MCF2L2: variants seen among roughly 807,000 people sequenced by gnomAD.
The protein encoded by MCF2L2 is MCF.2 cell line derived transforming sequence-like 2.
In MCF2L2, 102 loss-of-function variants were observed where a neutral mutation model predicts 150.2. That is an observed-to-expected ratio of 0.68 (90% CI 0.58 to 0.80). The LOEUF (loss-of-function observed/expected upper bound fraction) is 0.80. Among genes scored for constraint, MCF2L2 ranks in the 30% least tolerant of loss-of-function variants. The pLI is 0.00. For missense variants in MCF2L2, 1,256 were observed against 1,372.8 expected, an observed-to-expected ratio of 0.91 and a Z score of 1.34; for synonymous variants, 465 against 491.3, an observed-to-expected ratio of 0.95 and a Z score of 0.71.
chr3:183,241,806 C>T (rs140459202), intron 15 of MCF2L2, among the ~76,000 whole-genome samples: 2,512 of 152,198 alleles, frequency 0.017, 67 homozygotes, highest in African/African-American at 0.055. Context: ...TTGGAGGGCT[C>T]AGAAGACAGG....
intron 27 of MCF2L2, among the ~76,000 whole-genome samples, chr3:183,186,329 C>T (rs116076629): frequency 6.6e-6 from 1 of 152,146 alleles, no homozygotes; most frequent in Non-Finnish European, 1.5e-5. Context: ...TCATGGCTTA[C>T]GGCAGCCTCA....
chr3:183,179,362 G>C lies in MCF2L2; in HGVS notation c.*18C>G. On this transcript the variant is annotated 3_prime_UTR_variant, in exon 30 of 30. Transcript: ENST00000328913. This position sits in a 1 kb window ranked among gnomAD's most constrained non-coding sequence, Gnocchi z 4.2. ...GCGGGCGCTCTGGAGCCGAGGAGCGGGGGCGTCCGCAGGGAGGTCAGCTCT... is the reference window on the plus strand; with the variant it reads ...GCGGGCGCTCTGGAGCCGAGGAGCGCGGGCGTCCGCAGGGAGGTCAGCTCT... The C allele has an allele frequency of 1.4e-6, 2 of 1,434,124 alleles. No homozygotes were observed. Among genetic ancestry groups the C allele is most frequent in the Non-Finnish European group, 1.8e-6 (2 of 1,095,234 alleles). 88.8% of individuals were successfully genotyped at this position (1,434,124 alleles called of 1,614,324 possible).
At chr3:183,198,433 G>A (rs1722146770) in intron 25 of MCF2L2, among the ~76,000 whole-genome samples, 1 of 151,620 alleles carries the variant, frequency 6.6e-6, no homozygotes, top group Non-Finnish European at 1.5e-5. Context: ...GGTGGGTGAG[G>A]GAGGGGCAGG....
chr3:183,261,442 G>A lies in MCF2L2; in HGVS notation c.1862+15430C>T, dbSNP rs917317278. ...GGACAGGAACTAAAAACTCTCCCAC[G>A]TGGGACTTTATTAAGTAATAAAAGT... On this transcript the variant is annotated intron_variant, in intron 15 of 29. Coordinates refer to ENST00000328913, the MANE Select transcript of MCF2L2 (RefSeq NM_015078.4). 3.9e-5 allele frequency among the ~76,000 whole-genome samples: 6 copies of A among 152,212 alleles called. No homozygotes were observed. The South Asian group carries it at 6.2e-4, about 16-fold the overall frequency.
rs534958474 is a variant in MCF2L2 at position 183,268,147 on chromosome 3, T to G, written c.1862+8725A>C. 7.9e-5 allele frequency among the ~76,000 whole-genome samples: 12 copies of G among 152,370 alleles called. No homozygotes were observed. The South Asian group carries it at 2.5e-3, about 32-fold the overall frequency. On this transcript the variant is annotated intron_variant, in intron 15 of 29. Transcript: ENST00000328913. ...GAAGGTAGCCAGGCCACAGGACTGC[T>G]GGTGTAAAGACCAGGGCATATGAAA...
chr3:183,311,601 T>C lies in MCF2L2; in HGVS notation c.878+47A>G, dbSNP rs370498670. The C allele has an allele frequency of 1.9e-6, 3 of 1,607,868 alleles. No homozygotes were observed. In the African/African-American group the frequency reaches 4.0e-5, roughly 22 times the overall value. ...TCTTGGTTGCTCCAGAACATCTAGG[T>C]CTACATATTCTCTCCTGAAAAGGCT... On this transcript the variant is annotated intron_variant, in intron 8 of 29. Coordinates refer to ENST00000328913, the MANE Select transcript of MCF2L2 (RefSeq NM_015078.4).
intron 1 of MCF2L2, among the ~76,000 whole-genome samples, chr3:183,399,691 A>G (rs868427060): frequency 2.0e-4 from 30 of 152,358 alleles, no homozygotes; most frequent in Middle Eastern, 3.4e-3. Flanking sequence ...ATTTTTCTTC[A>G]GGAATATGAA....
intron 5 of MCF2L2, among the ~76,000 whole-genome samples, chr3:183,332,650 A>G (rs1259260753): frequency 6.6e-6 from 1 of 152,204 alleles, no homozygotes. Flanking sequence ...TTGAGTGGCA[A>G]GAAGAATTGA....
intron 11 of MCF2L2, chr3:183,299,619 A>G (rs1728734285): frequency 5.6e-6 from 1 of 177,046 alleles, no homozygotes; most frequent in Non-Finnish European, 1.2e-5. Context: ...AGCTTCTCCA[A>G]AAAGAGTCAA....
intron 15 of MCF2L2, among the ~76,000 whole-genome samples, chr3:183,240,197 A>G (rs185492430): frequency 6.6e-6 from 1 of 152,138 alleles, no homozygotes; most frequent in African/African-American, 2.4e-5. Flanking sequence ...TTTCTCTTCC[A>G]CCAGTCTATT....
chr3:183,321,687 A>C (rs1560020765), intron 6 of MCF2L2, among the ~76,000 whole-genome samples: 1 of 152,242 alleles, frequency 6.6e-6, no homozygotes, highest in Non-Finnish European at 1.5e-5. Flanking sequence ...ATGTGTGTGT[A>C]TAAAAAATAT....
intron 1 of MCF2L2, among the ~76,000 whole-genome samples, chr3:183,408,610 G>A (rs1210327172): frequency 6.6e-6 from 1 of 152,004 alleles, no homozygotes; most frequent in Non-Finnish European, 1.5e-5. Context: ...GATTAAAGAG[G>A]AGAAACAGGC....
chr3:183,277,018 T>C, intron 14 of MCF2L2, 61 bp from the exon 15 acceptor site: 2 of 1,112,750 alleles, frequency 1.8e-6, no homozygotes, highest in Non-Finnish European at 2.6e-6. Flanking sequence ...TCTATATTTT[T>C]CTCTCTCCCA....
intron 2 of MCF2L2, 101 bp downstream of exon 2, chr3:183,389,595 G>T: frequency 1.0e-6 from 1 of 1,001,984 alleles, no homozygotes; most frequent in Non-Finnish European, 1.6e-6. Context: ...TAAGGGGTGA[G>T]TGAGATTTGA....
chr3:183,369,355 C>G, intron 3 of MCF2L2, among the ~76,000 whole-genome samples: 1 of 152,196 alleles, frequency 6.6e-6, no homozygotes, highest in East Asian at 1.9e-4. Context: ...TAAGAGGCCA[C>G]TGATCACAGA....
intron 3 of MCF2L2, among the ~76,000 whole-genome samples, chr3:183,353,817 C>T (rs899434540): frequency 1.3e-5 from 2 of 152,192 alleles, no homozygotes; most frequent in African/African-American, 4.8e-5. Flanking sequence ...CAACGTAATT[C>T]TCTGCTAGGG....
intron 27 of MCF2L2, among the ~76,000 whole-genome samples, chr3:183,180,793 C>T (rs1474417779): frequency 2.0e-5 from 3 of 152,212 alleles, no homozygotes; most frequent in Admixed American, 6.5e-5. Context: ...AAGTTTAAGC[C>T]TCACAACCCT....
intron 9 of MCF2L2, chr3:183,310,397 G>C (rs1577053256): frequency 1.1e-5 from 2 of 179,966 alleles, no homozygotes; most frequent in South Asian, 1.8e-4. Context: ...AGCTACTCAG[G>C]AGGCTGAGGC....
chr3:183,330,359 AC>A (rs1182744387), intron 5 of MCF2L2, among the ~76,000 whole-genome samples: 1 of 152,120 alleles, frequency 6.6e-6, no homozygotes, highest in Admixed American at 6.6e-5. Context: ...ATTTTATGGG[AC>A]CACCACTGTA....
Sources: gnomAD v4.1 joint callset for allele counts (sites outside exome capture counted in the v4.1 genomes callset) on GRCh38, gnomAD v4.1.1 for gene constraint, Gnocchi (gnomAD v3.1) non-coding constraint, MANE v1.5 for transcripts, NCBI Gene and HGNC (gene_info 2026-07-23, HGNC 2026-07-21) for gene names.